CD27: variants seen among roughly 807,000 people sequenced by gnomAD.
The protein encoded by CD27 is CD27 molecule, also known as CD27 antigen.
CD27 carries 16 observed loss-of-function variants against 25.9 expected under a neutral mutation model. The observed-to-expected ratio is 0.62, with a 90% CI of 0.42 to 0.94. The LOEUF is 0.94. CD27 is among the 40% of genes least tolerant of loss of function. CD27 has a pLI of 0.00. For missense variants in CD27, 300 were observed against 333.2 expected (o/e 0.90, Z 0.78); for synonymous variants, 142 against 124.3 (o/e 1.14, Z -0.95).
At chr12:6,451,039 G>A (rs1351754794) in intron 5 of CD27, 25 bp downstream of exon 5, 9 of 1,613,462 alleles carry the variant, frequency 5.6e-6, no homozygotes, top group Admixed American at 1.7e-5. Context: ...ACAGGCCTCC[G>A]GTCCTGCCCC....
In CD27 at chr12:6,451,619, G is replaced by A; in HGVS notation, c.*227G>A. On this transcript the variant is annotated 3_prime_UTR_variant, in exon 6 of 6. Coordinates refer to ENST00000266557, the MANE Select transcript of CD27 (RefSeq NM_001242.5). ...GAGCCCAGCCAGCTGCGCCTGCGCT[G>A]CAGGAGGGCGGGGGCTCTGGTTGTA... 2.0e-6 allele frequency: 1 copy of A among 503,072 alleles called. No individual in the cohort carries two copies. The highest frequency in any genetic ancestry group is 3.5e-5 in the South Asian group (1 of 28,836). The allele number at this position is 503,072 out of a possible 1,614,324, so 31.2% of individuals were successfully genotyped here.
At chr12:6,449,797 C>T (rs1949486684) in intron 2 of CD27, among the ~76,000 whole-genome samples, 1 of 152,014 alleles carries the variant, frequency 6.6e-6, no homozygotes, top group Non-Finnish European at 1.5e-5. Context: ...TTGCAACGAG[C>T]CAAGGTCACG....
Position 6,450,075 on chromosome 12 carries a change from G to C in CD27, c.269-98G>C. 9.3e-7 allele frequency: 1 copy of C among 1,080,966 alleles called. No homozygotes were observed. The highest frequency in any genetic ancestry group is 2.4e-5 in the East Asian group (1 of 41,054). 67.0% of individuals were successfully genotyped at this position (1,080,966 alleles called of 1,614,324 possible). On this transcript the variant is annotated intron_variant, in intron 2 of 5. Transcript: ENST00000266557. This position sits in a 1 kb window ranked among gnomAD's most constrained non-coding sequence, Gnocchi z 4.1. ...ATGGAAAGGGAAGCACGTCCCTAGAGGTGGGCCTGGGATGGGGGTTGGGGG... is the reference window on the plus strand; with the variant it reads ...ATGGAAAGGGAAGCACGTCCCTAGACGTGGGCCTGGGATGGGGGTTGGGGG...
intron 2 of CD27, among the ~76,000 whole-genome samples, 179 bp from the exon 3 acceptor site, chr12:6,449,994 A>AATAATCT (rs1181796094): frequency 6.6e-6 from 1 of 152,190 alleles, no homozygotes; most frequent in Non-Finnish European, 1.5e-5. Flanking sequence ...TAACAATAAT[A>AATAATCT]ATGGCAAAGG....
rs1949522447 is a variant in CD27, at chr12:6,450,721, A to G, written c.538+91A>G. On this transcript the variant is annotated intron_variant, in intron 4 of 5. Transcript: ENST00000266557. The surrounding 1 kb of genome is among the most constrained non-coding windows in gnomAD (Gnocchi z 4.1). ...AGACAGAAAGCTCCTAGGATTAGGGATAAGAGGAGGGGAAAAAGCAGAGTC... is the reference window on the plus strand; with the variant it reads ...AGACAGAAAGCTCCTAGGATTAGGGGTAAGAGGAGGGGAAAAAGCAGAGTC... 7 of 1,430,566 alleles carry G rather than the reference A, an allele frequency of 4.9e-6. No homozygotes were observed. Among genetic ancestry groups the G allele is most frequent in the Middle Eastern group, 1.8e-4 (1 of 5,634 alleles). 88.6% of individuals were successfully genotyped at this position (1,430,566 alleles called of 1,614,324 possible).
Position 6,451,584 on chromosome 12 carries a change from TG to T in CD27, c.*195del. The T allele has an allele frequency of 6.8e-6, 4 of 588,036 alleles. No individual in the cohort carries two copies. The highest frequency in any genetic ancestry group is 1.1e-5 in the Non-Finnish European group (4 of 350,260). 36.4% of individuals were successfully genotyped at this position (588,036 alleles called of 1,614,324 possible). ...GGACAAATATGGATGAGGTGGAGAG[TG>T]GGAAGCAGGAGCCCAGCCAGCTGCG... On this transcript the variant is annotated 3_prime_UTR_variant, in exon 6 of 6. Transcript: ENST00000266557.
At position 6,450,309 on chromosome 12, in the gene CD27, CCT is replaced by C. The variant is rs1949504456; in HGVS notation, c.406_407del (p.Leu136GlufsTer14). On this transcript the variant is annotated frameshift_variant, in exon 3 of 6. Transcript: ENST00000266557. LOFTEE classifies it high-confidence loss of function. The surrounding 1 kb of genome is among the most constrained non-coding windows in gnomAD (Gnocchi z 4.1). The stretch of plus-strand genomic sequence containing the variant: ...CGCTGACCGCTCGGTCGTCTCAGGC[CCT>C]GAGCCCACACCCTCAGCCCACCCAC... ...PSLTARSSQALSPHPQPTHLP... is the reference protein window; with the variant it reads ...PSLTARSSQAXSPHPQPTHLP... 1 of 1,613,502 alleles carries C rather than the reference CCT, an allele frequency of 6.2e-7. No homozygotes were observed. The highest frequency in any genetic ancestry group is 8.5e-7 in the Non-Finnish European group (1 of 1,180,004).
In CD27 at chr12:6,451,398, C is replaced by T. The variant is rs982975241; in HGVS notation, c.*6C>T. ...AGCCTGCCTGCTCCCCCTGAGCCAG[C>T]ACCTGCGGGAGCTGCACTACAGCCC... On this transcript the variant is annotated 3_prime_UTR_variant, in exon 6 of 6. Coordinates refer to ENST00000266557, the MANE Select transcript of CD27 (RefSeq NM_001242.5). 2.9e-5 allele frequency: 46 copies of T among 1,611,770 alleles called. No individual in the cohort carries two copies. Among genetic ancestry groups the T allele is most frequent in the African/African-American group, 4.0e-5 (3 of 74,894 alleles).
upstream of CD27, chr12:6,444,953 G>A (rs1949391093): frequency 3.7e-6 from 3 of 814,622 alleles, no homozygotes; most frequent in Non-Finnish European, 3.7e-6. Flanking sequence ...TAGAGATTCT[G>A]CCTTCAAAGG....
Position 6,450,803 on chromosome 12 carries a change from GA to G in CD27, c.539-89del. On this transcript the variant is annotated intron_variant, in intron 4 of 5. Transcript: ENST00000266557. This position sits in a 1 kb window ranked among gnomAD's most constrained non-coding sequence, Gnocchi z 4.1. Reference sequence around the variant, plus strand: ...GCGGGTGGGATAGAATAAGGTGGGGGAAAGGGGAGAGGCAAGGTGACAGGAG... The same window carrying G: ...GCGGGTGGGATAGAATAAGGTGGGGGAAGGGGAGAGGCAAGGTGACAGGAG... The G allele has an allele frequency of 6.4e-7, 1 of 1,560,698 alleles. No individual in the cohort carries two copies. The highest frequency in any genetic ancestry group is 1.1e-5 in the South Asian group (1 of 88,414).
At position 6,445,797 on chromosome 12, in the gene CD27, G is replaced by A. The variant is rs539835805; in HGVS notation, c.268+242G>A. 1.1e-4 allele frequency among the ~76,000 whole-genome samples: 16 copies of A among 152,244 alleles called. No homozygotes were observed. Among genetic ancestry groups the A allele is most frequent in the Middle Eastern group, 3.4e-3 (1 of 294 alleles). On this transcript the variant is annotated intron_variant, in intron 2 of 5. Coordinates refer to ENST00000266557, the MANE Select transcript of CD27 (RefSeq NM_001242.5). The surrounding 1 kb of genome is among the most constrained non-coding windows in gnomAD (Gnocchi z 4.5). ...TAGAATTTGAGGGATTGGTGAGAAC[G>A]GGTCTATGGATAGGATCAAGACAAT...
Position 6,445,046 on chromosome 12 carries a change from A to T in CD27, c.-50A>T. On this transcript the variant is annotated 5_prime_UTR_variant, in exon 1 of 6. Coordinates refer to ENST00000266557, the MANE Select transcript of CD27 (RefSeq NM_001242.5). This position sits in a 1 kb window ranked among gnomAD's most constrained non-coding sequence, Gnocchi z 4.5. Reference sequence around the variant, plus strand: ...CCCAGCTTGGAGGTGCTAACTCCAGAGGCCAGCATCAGCAACTGGGCACAG... The same window carrying T: ...CCCAGCTTGGAGGTGCTAACTCCAGTGGCCAGCATCAGCAACTGGGCACAG... The T allele has an allele frequency of 6.4e-7, 1 of 1,552,760 alleles. No homozygotes were observed. The highest frequency in any genetic ancestry group is 8.7e-7 in the Non-Finnish European group (1 of 1,154,616).
intron 2 of CD27, among the ~76,000 whole-genome samples, chr12:6,449,085 T>G (rs1230770754): frequency 6.6e-6 from 1 of 152,014 alleles, no homozygotes; most frequent in Admixed American, 6.6e-5. Context: ...AACCTCCACC[T>G]CCCGGGCTCA....
chr12:6,450,974 C>G lies in CD27; in HGVS notation c.618C>G (p.Ala206=). 6.2e-7 allele frequency: 1 copy of G among 1,614,128 alleles called. No homozygotes were observed. Among genetic ancestry groups the G allele is most frequent in the South Asian group, 1.1e-5 (1 of 91,084 alleles). The change falls in exon 5 of 6, where the codon GCC becomes GCG. Residue 206 remains alanine, a synonymous_variant. Coordinates refer to ENST00000266557, the MANE Select transcript of CD27 (RefSeq NM_001242.5). This position sits in a 1 kb window ranked among gnomAD's most constrained non-coding sequence, Gnocchi z 4.1. ...GAATGTTCCTTGTTTTCACCCTGGCCGGGGCCCTGTTCCTCCATCAACGAA... is the reference window on the plus strand; with the variant it reads ...GAATGTTCCTTGTTTTCACCCTGGCGGGGGCCCTGTTCCTCCATCAACGAA... The part of the protein sequence containing the change: ...FSGMFLVFTL[A]GALFLHQRRK...
chr12:6,450,070 C>G lies in CD27; in HGVS notation c.269-103C>G, dbSNP rs1949494221. The stretch of plus-strand genomic sequence containing the variant: ...TGGGAATGGAAAGGGAAGCACGTCC[C>G]TAGAGGTGGGCCTGGGATGGGGGTT... On this transcript the variant is annotated intron_variant, in intron 2 of 5. Coordinates refer to ENST00000266557, the MANE Select transcript of CD27 (RefSeq NM_001242.5). The surrounding 1 kb of genome is among the most constrained non-coding windows in gnomAD (Gnocchi z 4.1). The G allele has an allele frequency of 9.7e-7, 1 of 1,034,404 alleles. No homozygotes were observed. Among genetic ancestry groups the G allele is most frequent in the Non-Finnish European group, 1.4e-6 (1 of 703,528 alleles). 64.1% of individuals were successfully genotyped at this position (1,034,404 alleles called of 1,614,324 possible). A position where few individuals can be genotyped will look rare whatever the true frequency, so the allele number is the denominator to read the frequency against.
rs541183712 is a variant in CD27 at position 6,445,016 on chromosome 12, C to A, written c.-80C>A. 1 of 1,441,118 alleles carries A rather than the reference C, an allele frequency of 6.9e-7. No individual in the cohort carries two copies. Among genetic ancestry groups the A allele is most frequent in the East Asian group, 2.5e-5 (1 of 39,706 alleles). The allele number at this position is 1,441,118 out of a possible 1,614,324, so 89.3% of individuals were successfully genotyped here. A position where few individuals can be genotyped will look rare whatever the true frequency, so the allele number is the denominator to read the frequency against. ...CCCAGGGGGTGCAAAGAAGAGACAG[C>A]AGCGCCCAGCTTGGAGGTGCTAACT... On this transcript the variant is annotated 5_prime_UTR_variant, in exon 1 of 6. Transcript: ENST00000266557. The surrounding 1 kb of genome is among the most constrained non-coding windows in gnomAD (Gnocchi z 4.5).
Position 6,445,089 on chromosome 12 carries a change from AG to A in CD27, c.-4del. ...GGGCACAGAAAGGAGCCGCCTGGGC[AG>A]GGACCATGGCACGGCCACATCCCTG... On this transcript the variant is annotated 5_prime_UTR_variant, in exon 1 of 6. Coordinates refer to ENST00000266557, the MANE Select transcript of CD27 (RefSeq NM_001242.5). This position sits in a 1 kb window ranked among gnomAD's most constrained non-coding sequence, Gnocchi z 4.5. 1 of 1,601,822 alleles carries A rather than the reference AG, an allele frequency of 6.2e-7. No homozygotes were observed. Among genetic ancestry groups the A allele is most frequent in the Admixed American group, 1.7e-5 (1 of 57,382 alleles).
In CD27 at chr12:6,450,808, G is replaced by C; in HGVS notation, c.539-87G>C. 1 of 1,572,384 alleles carries C rather than the reference G, an allele frequency of 6.4e-7. No homozygotes were observed. The highest frequency in any genetic ancestry group is 1.1e-5 in the South Asian group (1 of 89,092). On this transcript the variant is annotated intron_variant, in intron 4 of 5. Transcript: ENST00000266557. The surrounding 1 kb of genome is among the most constrained non-coding windows in gnomAD (Gnocchi z 4.1). Reference sequence around the variant, plus strand: ...TGGGATAGAATAAGGTGGGGGAAAGGGGAGAGGCAAGGTGACAGGAGGGCT... The same window carrying C: ...TGGGATAGAATAAGGTGGGGGAAAGCGGAGAGGCAAGGTGACAGGAGGGCT...
In CD27 at chr12:6,445,088, C is replaced by T; in HGVS notation, c.-8C>T. On this transcript the variant is annotated 5_prime_UTR_variant, in exon 1 of 6. Coordinates refer to ENST00000266557, the MANE Select transcript of CD27 (RefSeq NM_001242.5). The surrounding 1 kb of genome is among the most constrained non-coding windows in gnomAD (Gnocchi z 4.5). Reference sequence around the variant, plus strand: ...TGGGCACAGAAAGGAGCCGCCTGGGCAGGGACCATGGCACGGCCACATCCC... The same window carrying T: ...TGGGCACAGAAAGGAGCCGCCTGGGTAGGGACCATGGCACGGCCACATCCC... The T allele has an allele frequency of 6.2e-7, 1 of 1,601,222 alleles. No homozygotes were observed. The highest frequency in any genetic ancestry group is 8.5e-7 in the Non-Finnish European group (1 of 1,175,264).
Sources: gnomAD v4.1 joint callset for allele counts (sites outside exome capture counted in the v4.1 genomes callset) on GRCh38, gnomAD v4.1.1 for gene constraint, Gnocchi (gnomAD v3.1) non-coding constraint, MANE v1.5 for transcripts, NCBI Gene and HGNC (gene_info 2026-07-23, HGNC 2026-07-21) for gene names.